The following PEX5L variants were observed in gnomAD, a reference collection of about 807,000 sequenced individuals.
The protein encoded by PEX5L is peroxisomal biogenesis factor 5 like.
Under a neutral mutation model 84.0 loss-of-function variants are expected in PEX5L, and 30 were observed. The observed-to-expected ratio is 0.36, with a 90% CI of 0.27 to 0.48. The LOEUF is 0.48. Among genes scored for constraint, PEX5L ranks in the 20% least tolerant of loss-of-function variants. PEX5L has a pLI of 0.99. For synonymous variants in PEX5L, 270 were observed against 283.1 expected (o/e 0.95, Z 0.46); for missense variants, 533 against 754.6 (o/e 0.71, Z 3.44).
intron 11 of PEX5L, among the ~76,000 whole-genome samples, chr3:179,810,890 C>A (rs1723496604): frequency 6.6e-6 from 1 of 152,044 alleles, no homozygotes; most frequent in Non-Finnish European, 1.5e-5. Context: ...GGTTAAGAAC[C>A]ACTGACTCAG....
intron 4 of PEX5L, among the ~76,000 whole-genome samples, chr3:179,882,371 C>T (rs1419331127): frequency 6.6e-6 from 1 of 152,142 alleles, no homozygotes; most frequent in East Asian, 1.9e-4. Context: ...GGTTCTTTCC[C>T]CCTCCAAAGT....
chr3:179,866,408 C>A (rs1213803328), intron 7 of PEX5L, among the ~76,000 whole-genome samples: 1 of 152,206 alleles, frequency 6.6e-6, no homozygotes, highest in East Asian at 1.9e-4. Context: ...TTACCATTTA[C>A]TACCACCTGG....
chr3:179,803,264 A>AT (rs1719833222), intron 14 of PEX5L, among the ~76,000 whole-genome samples: 2 of 152,194 alleles, frequency 1.3e-5, no homozygotes, highest in African/African-American at 4.8e-5. Context: ...TTTGGAAAAT[A>AT]TTTTTTGTAA....
chr3:179,943,491 A>G (rs1478775007), intron 2 of PEX5L, among the ~76,000 whole-genome samples: 2 of 152,376 alleles, frequency 1.3e-5, no homozygotes, highest in East Asian at 3.8e-4. Context: ...CCTGCAGTAA[A>G]TTATTGTGAG....
chr3:179,953,953 C>A (rs527808962), intron 2 of PEX5L, among the ~76,000 whole-genome samples: 1 of 152,218 alleles, frequency 6.6e-6, no homozygotes, highest in East Asian at 1.9e-4. Flanking sequence ...TTATAAATAT[C>A]CCCAAAGGCA....
intron 1 of PEX5L, among the ~76,000 whole-genome samples, chr3:180,032,712 G>A (rs1297183708): frequency 6.6e-6 from 1 of 152,042 alleles, no homozygotes; most frequent in East Asian, 1.9e-4. Flanking sequence ...AAATTATCTG[G>A]GCATGGTGGC....
intron 2 of PEX5L, among the ~76,000 whole-genome samples, chr3:179,950,833 T>C (rs983381967): frequency 5.3e-5 from 8 of 152,144 alleles, no homozygotes; most frequent in Admixed American, 2.6e-4. Context: ...AAGTGAGTGA[T>C]GGATGAGGAA....
Position 179,974,149 on chromosome 3 carries a change from C to A in PEX5L, c.22-2484G>T, listed in dbSNP as rs922092083. 6.2e-5 allele frequency: 61 copies of A among 985,402 alleles called. 1 individual carries two copies. The highest frequency in any genetic ancestry group is 7.0e-5 in the Non-Finnish European group (58 of 829,994). 61.0% of individuals were successfully genotyped at this position (985,402 alleles called of 1,614,324 possible). ...CGGGAATCCCTGTCTTCTATCTATG[C>A]ACTTTTGTCAAGCACAAAAAGCAAG... On this transcript the variant is annotated intron_variant, in intron 1 of 14. Coordinates refer to ENST00000467460, the MANE Select transcript of PEX5L (RefSeq NM_016559.3).
chr3:179,803,525 C>T (rs1292497449), intron 14 of PEX5L, among the ~76,000 whole-genome samples: 3 of 152,180 alleles, frequency 2.0e-5, no homozygotes, highest in Admixed American at 1.3e-4. Flanking sequence ...CTCTGTTGCT[C>T]AGGTGCCAGG....
intron 1 of PEX5L, among the ~76,000 whole-genome samples, chr3:180,009,842 T>A (rs1442715468): frequency 6.6e-6 from 1 of 152,176 alleles, no homozygotes; most frequent in Admixed American, 6.5e-5. Context: ...CTATAGAAAG[T>A]GCTCAATAAA....
intron 8 of PEX5L, among the ~76,000 whole-genome samples, chr3:179,850,409 G>A (rs752951833): frequency 2.0e-5 from 3 of 152,104 alleles, no homozygotes; most frequent in Non-Finnish European, 4.4e-5. Flanking sequence ...TTACAGGTGT[G>A]AGCCACCGTG....
At chr3:179,834,952 A>G (rs1163633349) in intron 8 of PEX5L, among the ~76,000 whole-genome samples, 2 of 152,220 alleles carry the variant, frequency 1.3e-5, no homozygotes, top group Admixed American at 6.5e-5. Context: ...TCGTAAGAAG[A>G]ACATGTAAAC....
In PEX5L at chr3:179,797,603, A is replaced by ATATATATATATATATAT. The variant is rs1431315600; in HGVS notation, c.*4224_*4225insATATATATATATATATA. Reference sequence around the variant, plus strand: ...TGAACACTCTTTAAAAAAAAAAAAAAAAATATATATATATATATATATATA... The same window carrying ATATATATATATATATAT: ...TGAACACTCTTTAAAAAAAAAAAAAATATATATATATATATATAAATATATATATATATATATATATA... On this transcript the variant is annotated 3_prime_UTR_variant, in exon 15 of 15. Transcript: ENST00000467460. 5 of 109,912 alleles carry ATATATATATATATATAT rather than the reference A, an allele frequency of 4.5e-5. No homozygotes were observed. Among genetic ancestry groups the ATATATATATATATATAT allele is most frequent in the African/African-American group, 1.4e-4 (4 of 28,422 alleles). 6.8% of individuals were successfully genotyped at this position (109,912 alleles called of 1,614,324 possible).
At chr3:179,956,527 G>A (rs377299236) in intron 2 of PEX5L, among the ~76,000 whole-genome samples, 13 of 151,974 alleles carry the variant, frequency 8.6e-5, no homozygotes, top group African/African-American at 2.4e-4. Context: ...TACCCTAGTG[G>A]ATATATATAT....
intron 7 of PEX5L, among the ~76,000 whole-genome samples, chr3:179,859,507 G>T (rs1018645630): frequency 5.3e-5 from 8 of 152,168 alleles, no homozygotes; most frequent in African/African-American, 1.9e-4. Flanking sequence ...GCTAGGATGG[G>T]CAATCTCCAT....
intron 3 of PEX5L, among the ~76,000 whole-genome samples, chr3:179,889,662 T>C (rs1014674871): frequency 1.3e-5 from 2 of 152,172 alleles, no homozygotes; most frequent in Non-Finnish European, 2.9e-5. Flanking sequence ...TAATCTTTTA[T>C]TTTAGGATGC....
intron 11 of PEX5L, among the ~76,000 whole-genome samples, chr3:179,811,476 G>A (rs1273737062): frequency 5.3e-5 from 8 of 152,090 alleles, no homozygotes; most frequent in Admixed American, 5.2e-4. Context: ...TTTTTTTGAA[G>A]AATATTTTCA....
At chr3:179,964,932 A>G (rs1782966877) in intron 2 of PEX5L, among the ~76,000 whole-genome samples, 1 of 152,238 alleles carries the variant, frequency 6.6e-6, no homozygotes, top group Non-Finnish European at 1.5e-5. Context: ...CTCATTTTAT[A>G]GCAGAGCAGC....
chr3:179,911,925 A>G (rs977745074), intron 2 of PEX5L, among the ~76,000 whole-genome samples: 8 of 152,206 alleles, frequency 5.3e-5, no homozygotes, highest in Non-Finnish European at 1.5e-5. Flanking sequence ...AGACTTTAAG[A>G]CTGCTGGAAT....
Sources: gnomAD v4.1 joint callset for allele counts (sites outside exome capture counted in the v4.1 genomes callset) on GRCh38, gnomAD v4.1.1 for gene constraint, MANE v1.5 for transcripts, NCBI Gene and HGNC (gene_info 2026-07-23, HGNC 2026-07-21) for gene names.